Variants in AVEN observed in about 807,000 individuals in gnomAD.
AVEN encodes apoptosis and caspase activation inhibitor.
A neutral mutation model predicts 38.1 loss-of-function variants in AVEN; 41 were observed. The observed-to-expected ratio is 1.08, with a 90% CI of 0.84 to 1.40. AVEN has a LOEUF of 1.40. AVEN is among the 40% of genes most tolerant of loss of function. The probability of loss-of-function intolerance (pLI) is 0.00; values close to 1 mark genes in which losing one functional copy is unlikely to be tolerated. For missense variants in AVEN, 605 were observed against 438.8 expected, an observed-to-expected ratio of 1.38 and a Z score of -3.38; for synonymous variants, 206 against 171.8, an observed-to-expected ratio of 1.20 and a Z score of -1.56.
At chr15:33,868,524 A>C (rs1053310020) in intron 4 of AVEN, among the ~76,000 whole-genome samples, 4 of 147,538 alleles carry the variant, frequency 2.7e-5, no homozygotes, top group African/African-American at 1.0e-4. Flanking sequence ...GAGCCTGGGC[A>C]ACAGAATGAG....
chr15:33,953,899 G>A (rs931451262), intron 2 of AVEN, among the ~76,000 whole-genome samples: 1 of 152,124 alleles, frequency 6.6e-6, no homozygotes, highest in Non-Finnish European at 1.5e-5. Flanking sequence ...ATCTGGCAAA[G>A]GGCTAATATC....
intron 1 of AVEN, among the ~76,000 whole-genome samples, chr15:34,033,142 T>A (rs1898940149): frequency 6.6e-6 from 1 of 152,150 alleles, no homozygotes; most frequent in Non-Finnish European, 1.5e-5. Context: ...ATAAGTAATG[T>A]TCATCCACGG....
chr15:33,885,014 A>G (rs975566829), intron 2 of AVEN, among the ~76,000 whole-genome samples: 4 of 152,210 alleles, frequency 2.6e-5, no homozygotes, highest in Non-Finnish European at 5.9e-5. Flanking sequence ...CCAATTCTGC[A>G]TAAGTACTTC....
At chr15:33,930,027 A>T (rs541896322) in intron 2 of AVEN, among the ~76,000 whole-genome samples, 2 of 152,328 alleles carry the variant, frequency 1.3e-5, no homozygotes, top group African/African-American at 4.8e-5. Flanking sequence ...TCATTCATCC[A>T]GTGGAGAAAT....
intron 1 of AVEN, among the ~76,000 whole-genome samples, chr15:34,023,318 T>C (rs61413438): frequency 0.052 from 7,848 of 152,280 alleles, 668 homozygotes; most frequent in African/African-American, 0.18. Flanking sequence ...CCCACTGAGT[T>C]TGGTTGCTAT....
intron 2 of AVEN, among the ~76,000 whole-genome samples, chr15:33,892,501 TG>T (rs1892028937): frequency 6.6e-6 from 1 of 152,004 alleles, no homozygotes; most frequent in Non-Finnish European, 1.5e-5. Flanking sequence ...CCCCATTGCT[TG>T]TTTTCGTCAG....
chr15:33,872,609 C>A (rs1891024479), intron 3 of AVEN, among the ~76,000 whole-genome samples: 1 of 151,934 alleles, frequency 6.6e-6, no homozygotes, highest in Non-Finnish European at 1.5e-5. Flanking sequence ...GGCCGCATAT[C>A]ACTCAGCAGC....
chr15:33,873,060 T>C (rs1444224709), intron 3 of AVEN, among the ~76,000 whole-genome samples: 1 of 150,290 alleles, frequency 6.7e-6, no homozygotes, highest in African/African-American at 2.4e-5. Context: ...TCCCTTTAAC[T>C]GCAAAGACAA....
At chr15:34,054,207 G>T (rs1187177433) in intron 5 of AVEN, among the ~76,000 whole-genome samples, 1 of 152,122 alleles carries the variant, frequency 6.6e-6, no homozygotes, top group African/African-American at 2.4e-5. Context: ...TGGAGAAAAA[G>T]GAACACTTCT....
chr15:33,864,605 T>G (rs114489627), downstream of AVEN, among the ~76,000 whole-genome samples: 511 of 152,216 alleles, frequency 3.4e-3, 7 homozygotes, highest in African/African-American at 0.012. Context: ...TGTGAGAGGA[T>G]GAGTGAAAGG....
intron 2 of AVEN, among the ~76,000 whole-genome samples, chr15:33,995,872 C>T (rs764120490): frequency 1.3e-5 from 2 of 152,208 alleles, no homozygotes; most frequent in African/African-American, 4.8e-5. Context: ...TGAAGCGGGG[C>T]GGGGCGCTGC....
Position 33,866,764 on chromosome 15 carries a change from G to A in AVEN, c.974-36C>T, listed in dbSNP as rs759681739. On this transcript the variant is annotated intron_variant, in intron 5 of 5. Transcript: ENST00000306730. ...AAAAACAATGTTAACACCCTCAGAT[G>A]AGTCCTAAAATTGAAGGTATAATTC... The A allele has an allele frequency of 2.7e-6, 4 of 1,458,838 alleles. No homozygotes were observed. The African/African-American group carries it at 4.2e-5, about 15-fold the overall frequency. The allele number at this position is 1,458,838 out of a possible 1,614,324, so 90.4% of individuals were successfully genotyped here.
At chr15:33,874,368 T>C (rs1891134607) in intron 3 of AVEN, among the ~76,000 whole-genome samples, 1 of 152,136 alleles carries the variant, frequency 6.6e-6, no homozygotes, top group Non-Finnish European at 1.5e-5. Context: ...GGCCTCCTCC[T>C]CTGGGAATAC....
intron 2 of AVEN, among the ~76,000 whole-genome samples, chr15:33,943,755 G>A (rs1277203095): frequency 6.7e-6 from 1 of 149,770 alleles, no homozygotes; most frequent in African/African-American, 2.5e-5. Context: ...AACTCAGGAG[G>A]CAGAGATTGC....
intron 2 of AVEN, among the ~76,000 whole-genome samples, chr15:33,947,446 G>A (rs1894550209): frequency 6.6e-6 from 1 of 152,146 alleles, no homozygotes; most frequent in Non-Finnish European, 1.5e-5. Context: ...TCTGTAATAC[G>A]TAGATGCGTT....
chr15:33,878,765 T>C (rs942936235), intron 2 of AVEN, among the ~76,000 whole-genome samples: 3 of 152,078 alleles, frequency 2.0e-5, no homozygotes, highest in African/African-American at 7.2e-5. Context: ...ACAAATCCAT[T>C]AGAATAAAGC....
At chr15:34,009,514 T>G (rs1334334649) in intron 1 of AVEN, among the ~76,000 whole-genome samples, 2 of 152,144 alleles carry the variant, frequency 1.3e-5, no homozygotes, top group Admixed American at 6.5e-5. Flanking sequence ...TACAGGAGAT[T>G]CACTTTAGAT....
At chr15:33,913,097 C>T (rs553566352) in intron 2 of AVEN, among the ~76,000 whole-genome samples, 2 of 152,222 alleles carry the variant, frequency 1.3e-5, no homozygotes, top group African/African-American at 4.8e-5. Flanking sequence ...CCATGTTGGT[C>T]AGGCTGGTCT....
At position 33,978,888 on chromosome 15, in the gene AVEN, CAT is replaced by C. The variant is rs576117210; in HGVS notation, c.445+24142_445+24143del. ...AAGTCCCAAGTCTAACAAGAACAAA[CAT>C]GTGAAAAATGGACAGAGGAAAGAGA... is the stretch of plus-strand genomic sequence containing the variant. On this transcript the variant is annotated intron_variant, in intron 2 of 5. Coordinates refer to ENST00000306730, the MANE Select transcript of AVEN (RefSeq NM_020371.3). 3.0e-3 allele frequency among the ~76,000 whole-genome samples: 454 copies of C among 151,948 alleles called. 1 individual carries two copies. The highest frequency in any genetic ancestry group is 0.01 in the African/African-American group (425 of 41,432).
Sources: gnomAD v4.1 joint callset for allele counts (sites outside exome capture counted in the v4.1 genomes callset) on GRCh38, gnomAD v4.1.1 for gene constraint, MANE v1.5 for transcripts, NCBI Gene and HGNC (gene_info 2026-07-23, HGNC 2026-07-21) for gene names.